The following ADTRP variants were observed in gnomAD, a reference collection of about 807,000 sequenced individuals.
ADTRP encodes the protein androgen dependent TFPI regulating protein, also known as androgen-dependent TFPI-regulating protein.
A neutral mutation model predicts 27.0 loss-of-function variants in ADTRP; 20 were observed. The ratio of observed to expected loss-of-function variants is 0.74; its 90% CI spans 0.52 to 1.08. ADTRP has a LOEUF of 1.08. Among genes scored for constraint, ADTRP ranks in the 50% least tolerant of loss-of-function variants. ADTRP has a pLI of 0.00. For missense variants in ADTRP, 251 were observed against 275.0 expected (o/e 0.91, Z 0.62); for synonymous variants, 101 against 105.2 (o/e 0.96, Z 0.25).
intron 3 of ADTRP, among the ~76,000 whole-genome samples, chr6:11,765,764 C>T (rs1018057582): frequency 3.9e-5 from 6 of 152,138 alleles, no homozygotes; most frequent in African/African-American, 1.4e-4. Context: ...ACTATTCGGC[C>T]TCTCCAAAAC....
At chr6:11,741,721 T>TA (rs66700409) in intron 3 of ADTRP, among the ~76,000 whole-genome samples, 5 of 151,040 alleles carry the variant, frequency 3.3e-5, no homozygotes, top group African/African-American at 9.7e-5. Flanking sequence ...AGATTTTTTT[T>TA]AAAAAAAAAA....
chr6:11,778,363 AT>A (rs374448731), intron 1 of ADTRP, among the ~76,000 whole-genome samples: 9 of 150,906 alleles, frequency 6.0e-5, no homozygotes, highest in African/African-American at 7.3e-5. Context: ...CCAAGATGAG[AT>A]TTTTTTTTTC....
chr6:11,775,565 C>T (rs746373423), intron 1 of ADTRP, among the ~76,000 whole-genome samples: 8 of 152,084 alleles, frequency 5.3e-5, no homozygotes, highest in Non-Finnish European at 1.2e-4. Flanking sequence ...GGTCAGTTTA[C>T]TCTCTTATTA....
intron 4 of ADTRP, among the ~76,000 whole-genome samples, chr6:11,725,598 A>C (rs928046021): frequency 3.9e-5 from 6 of 152,252 alleles, no homozygotes; most frequent in Admixed American, 6.5e-5. Flanking sequence ...GGAAGATGGT[A>C]CATCTGCCTT....
At chr6:11,770,324 T>G (rs1016882025) in intron 1 of ADTRP, among the ~76,000 whole-genome samples, 6 of 152,144 alleles carry the variant, frequency 3.9e-5, no homozygotes, top group Non-Finnish European at 4.4e-5. Context: ...CAGCTGAGGC[T>G]GAGAACCACC....
At chr6:11,748,917 T>C (rs1762952915) in intron 3 of ADTRP, among the ~76,000 whole-genome samples, 1 of 152,224 alleles carries the variant, frequency 6.6e-6, no homozygotes, top group Admixed American at 6.5e-5. Context: ...CCAGGTTTTG[T>C]TGGCCATAGG....
chr6:11,715,806 C>CTTTTTTTTTTTTTTTTTT (rs55961408), intron 5 of ADTRP, among the ~76,000 whole-genome samples: 8 of 77,726 alleles, frequency 1.0e-4, no homozygotes, highest in Non-Finnish European at 1.5e-4. Context: ...CCATGCCCAG[C>CTTTTTTTTTTTTTTTTTT]TTTTTTTTTT....
At chr6:11,752,221 T>C (rs1468201844) in intron 3 of ADTRP, among the ~76,000 whole-genome samples, 1 of 152,242 alleles carries the variant, frequency 6.6e-6, no homozygotes, top group Non-Finnish European at 1.5e-5. Context: ...AAGCCAAGCA[T>C]TTTAAAAAGA....
intron 1 of ADTRP, among the ~76,000 whole-genome samples, chr6:11,771,452 A>T (rs1763777710): frequency 6.6e-6 from 1 of 152,182 alleles, no homozygotes; most frequent in African/African-American, 2.4e-5. Context: ...GCACACGGAG[A>T]GCGAGAGAGC....
chr6:11,719,135 C>A (rs1479812154), intron 5 of ADTRP, among the ~76,000 whole-genome samples: 2 of 152,132 alleles, frequency 1.3e-5, no homozygotes, highest in African/African-American at 4.8e-5. Flanking sequence ...CCACACTGCA[C>A]AAGGATGCCG....
chr6:11,731,189 G>A (rs1173776919), intron 4 of ADTRP, among the ~76,000 whole-genome samples: 1 of 152,196 alleles, frequency 6.6e-6, no homozygotes, highest in Non-Finnish European at 1.5e-5. Context: ...GGTGCTTGGG[G>A]ATATCACTGG....
chr6:11,774,076 A>C (rs1763871240), intron 1 of ADTRP, among the ~76,000 whole-genome samples: 1 of 152,178 alleles, frequency 6.6e-6, no homozygotes, highest in Non-Finnish European at 1.5e-5. Flanking sequence ...TGGGAGGCCA[A>C]GGCAGGCGGA....
At chr6:11,755,856 G>A (rs1367436048) in intron 3 of ADTRP, among the ~76,000 whole-genome samples, 1 of 152,184 alleles carries the variant, frequency 6.6e-6, no homozygotes, top group Non-Finnish European at 1.5e-5. Context: ...CTTTATTTCT[G>A]CTCGGGAGCT....
At chr6:11,774,488 A>C (rs1042458092) in intron 1 of ADTRP, among the ~76,000 whole-genome samples, 31 of 152,104 alleles carry the variant, frequency 2.0e-4, no homozygotes, top group Non-Finnish European at 3.4e-4. Context: ...CCCCAGCCCC[A>C]GGCCAGCAAC....
At chr6:11,772,288 C>G (rs936033447) in intron 1 of ADTRP, among the ~76,000 whole-genome samples, 1 of 152,212 alleles carries the variant, frequency 6.6e-6, no homozygotes, top group African/African-American at 2.4e-5. Context: ...AGCTGACAAA[C>G]TAACACCTGC....
At chr6:11,757,229 T>G (rs1561766049) in intron 3 of ADTRP, among the ~76,000 whole-genome samples, 1 of 152,152 alleles carries the variant, frequency 6.6e-6, no homozygotes, top group African/African-American at 2.4e-5. Flanking sequence ...TTTTAGTAAG[T>G]CATGGAAGTG....
At chr6:11,759,804 G>A (rs1038292040) in intron 3 of ADTRP, among the ~76,000 whole-genome samples, 5 of 152,234 alleles carry the variant, frequency 3.3e-5, no homozygotes, top group African/African-American at 1.2e-4. Context: ...CATCTGGATG[G>A]GTCCATTGTA....
At chr6:11,770,990 G>A (rs528227402) in intron 1 of ADTRP, among the ~76,000 whole-genome samples, 9 of 152,320 alleles carry the variant, frequency 5.9e-5, no homozygotes, top group South Asian at 2.1e-4. Flanking sequence ...GCCTCCGCCC[G>A]GCGTGTGAAG....
At chr6:11,754,838 G>C (rs755491207) in intron 3 of ADTRP, among the ~76,000 whole-genome samples, 1 of 152,174 alleles carries the variant, frequency 6.6e-6, no homozygotes, top group Non-Finnish European at 1.5e-5. Context: ...TTCTGTGCTG[G>C]CTATTTAATT....
Sources: gnomAD v4.1 joint callset for allele counts (sites outside exome capture counted in the v4.1 genomes callset) on GRCh38, gnomAD v4.1.1 for gene constraint, MANE v1.5 for transcripts, NCBI Gene and HGNC (gene_info 2026-07-23, HGNC 2026-07-21) for gene names.